The following FER variants were observed in gnomAD, a reference collection of about 807,000 sequenced individuals.
FER encodes the protein tyrosine-protein kinase Fer.
In FER, 63 loss-of-function variants were observed where a neutral mutation model predicts 111.0. That is an observed-to-expected ratio of 0.57 (90% CI 0.46 to 0.70). FER has a LOEUF of 0.70. Among genes scored for constraint, FER ranks in the 30% least tolerant of loss-of-function variants. The pLI, the probability that FER is intolerant of heterozygous loss-of-function variation, is 0.00. For missense variants in FER, 914 were observed against 954.0 expected, an observed-to-expected ratio of 0.96 and a Z score of 0.55; for synonymous variants, 327 against 313.9, an observed-to-expected ratio of 1.04 and a Z score of -0.44.
chr5:109,178,889 G>C (rs765776542), intron 17 of FER, among the ~76,000 whole-genome samples: 1 of 151,982 alleles, frequency 6.6e-6, no homozygotes, highest in African/African-American at 2.4e-5. Flanking sequence ...ACATTAATTT[G>C]GGCAGAATTG....
intron 5 of FER, among the ~76,000 whole-genome samples, chr5:108,854,810 G>T (rs1227084905): frequency 6.6e-6 from 1 of 151,960 alleles, no homozygotes; most frequent in Non-Finnish European, 1.5e-5. Flanking sequence ...CAGGCCTGGT[G>T]GCACACGCCT....
intron 8 of FER, among the ~76,000 whole-genome samples, chr5:108,879,227 G>A (rs144846570): frequency 1.3e-5 from 2 of 152,032 alleles, no homozygotes; most frequent in East Asian, 3.9e-4. Flanking sequence ...CATTTGAACT[G>A]TTACTATTTT....
intron 9 of FER, 117 bp from the exon 10 acceptor site, chr5:108,897,542 A>G: frequency 2.9e-6 from 2 of 695,006 alleles, no homozygotes; most frequent in Non-Finnish European, 4.3e-6. Context: ...CATATTTTTT[A>G]TGATTCTAAA....
At chr5:108,944,729 G>A (rs1197626264) in intron 10 of FER, among the ~76,000 whole-genome samples, 1 of 151,890 alleles carries the variant, frequency 6.6e-6, no homozygotes, top group African/African-American at 2.4e-5. Context: ...ATCTGGCACT[G>A]GTTGGCATGT....
In FER at chr5:109,188,094, T is replaced by C. The variant is rs1759077092; in HGVS notation, c.*519T>C. ...GGAATTATTTGGACCTCCTGAGATT[T>C]TTCTTTTCTTTCTTGCCAGGTATAA... On this transcript the variant is annotated 3_prime_UTR_variant, in exon 20 of 20. Coordinates refer to ENST00000281092, the MANE Select transcript of FER (RefSeq NM_005246.4). 1 of 153,384 alleles carries C rather than the reference T, an allele frequency of 6.5e-6. No homozygotes were observed. The highest frequency in any genetic ancestry group is 1.4e-5 in the Non-Finnish European group (1 of 69,048). The allele number at this position is 153,384 out of a possible 1,614,324, so 9.5% of individuals were successfully genotyped here.
chr5:109,044,975 C>T, intron 15 of FER, 180 bp downstream of exon 15: 1 of 453,218 alleles, frequency 2.2e-6, no homozygotes, highest in Non-Finnish European at 4.0e-6. Context: ...CAATCATAGT[C>T]AAACCAGGTG....
chr5:108,901,444 T>A (rs953937982), intron 10 of FER, among the ~76,000 whole-genome samples: 1 of 151,922 alleles, frequency 6.6e-6, no homozygotes, highest in African/African-American at 2.4e-5. Flanking sequence ...AGGAGATAGG[T>A]TGTTAAATCA....
At chr5:108,802,609 T>C (rs981200633) in intron 3 of FER, among the ~76,000 whole-genome samples, 2 of 152,054 alleles carry the variant, frequency 1.3e-5, no homozygotes, top group African/African-American at 4.8e-5. Flanking sequence ...ACATGGAGTA[T>C]TTGTTTTTTT....
intron 10 of FER, among the ~76,000 whole-genome samples, chr5:108,937,908 G>A (rs1755700600): frequency 6.6e-6 from 1 of 151,468 alleles, no homozygotes; most frequent in African/African-American, 2.4e-5. Context: ...TTTATAAAGG[G>A]CAAGCAGTAG....
At chr5:108,819,140 C>G (rs1458098430) in intron 3 of FER, among the ~76,000 whole-genome samples, 3 of 150,652 alleles carry the variant, frequency 2.0e-5, no homozygotes, top group Non-Finnish European at 4.4e-5. Context: ...CTCAGCCTCC[C>G]GAGTAGCAGG....
Position 109,155,691 on chromosome 5 carries a change from C to G in FER, c.2049-25056C>G, listed in dbSNP as rs143349506. 1.9e-3 allele frequency among the ~76,000 whole-genome samples: 282 copies of G among 151,984 alleles called. 1 individual carries two copies. The highest frequency in any genetic ancestry group is 6.4e-3 in the African/African-American group (264 of 41,524). The stretch of plus-strand genomic sequence containing the variant: ...AATATAGATTCTGAAACCTTTATAC[C>G]AGAGAGCTTGATGATACTCTCTTAC... On this transcript the variant is annotated intron_variant, in intron 17 of 19. Transcript: ENST00000281092.
intron 5 of FER, among the ~76,000 whole-genome samples, chr5:108,846,841 C>T (rs1397449705): frequency 6.6e-6 from 1 of 151,996 alleles, no homozygotes; most frequent in African/African-American, 2.4e-5. Context: ...CCTCGGCCTC[C>T]CCACCTTTTT....
intron 9 of FER, among the ~76,000 whole-genome samples, chr5:108,889,736 A>T (rs1263879088): frequency 1.3e-5 from 2 of 152,058 alleles, no homozygotes; most frequent in African/African-American, 4.8e-5. Context: ...TGATGTGAGT[A>T]TAACACATCA....
At chr5:109,109,882 T>G (rs902414453) in intron 17 of FER, among the ~76,000 whole-genome samples, 4 of 152,168 alleles carry the variant, frequency 2.6e-5, no homozygotes, top group Non-Finnish European at 4.4e-5. Context: ...TCTTGCTAAT[T>G]ATACTCCCAT....
At chr5:109,070,977 G>T (rs1024350472) in intron 16 of FER, among the ~76,000 whole-genome samples, 2 of 151,898 alleles carry the variant, frequency 1.3e-5, no homozygotes, top group Non-Finnish European at 2.9e-5. Context: ...TCGTATGGCA[G>T]CTTTGCTGTG....
At chr5:109,176,354 AT>A (rs1375538375) in intron 17 of FER, among the ~76,000 whole-genome samples, 4 of 152,208 alleles carry the variant, frequency 2.6e-5, no homozygotes, top group African/African-American at 9.7e-5. Flanking sequence ...CCTGGAGTAC[AT>A]TATGTTAAGC....
intron 8 of FER, among the ~76,000 whole-genome samples, chr5:108,878,497 G>T (rs1052911364): frequency 1.3e-5 from 2 of 151,738 alleles, no homozygotes; most frequent in Non-Finnish European, 2.9e-5. Flanking sequence ...TTTTTAACAT[G>T]TATTAAATCT....
At chr5:109,036,945 G>A (rs375216894) in intron 13 of FER, among the ~76,000 whole-genome samples, 2 of 151,996 alleles carry the variant, frequency 1.3e-5, no homozygotes, top group African/African-American at 2.4e-5. Context: ...ACTATATGAA[G>A]TGTCATAGAC....
At chr5:108,812,993 A>T (rs1454385412) in intron 3 of FER, among the ~76,000 whole-genome samples, 1 of 152,050 alleles carries the variant, frequency 6.6e-6, no homozygotes. Context: ...ATATTTGCTC[A>T]TTGAGTTACA....
Sources: gnomAD v4.1 joint callset for allele counts (sites outside exome capture counted in the v4.1 genomes callset) on GRCh38, gnomAD v4.1.1 for gene constraint, MANE v1.5 for transcripts, NCBI Gene and HGNC (gene_info 2026-07-23, HGNC 2026-07-21) for gene names.